PTPRM: variants seen among roughly 807,000 people sequenced by gnomAD.
PTPRM encodes the protein protein tyrosine phosphatase receptor type M, also known as receptor-type tyrosine-protein phosphatase mu.
Under a neutral mutation model 186.7 loss-of-function variants are expected in PTPRM, and 47 were observed. The ratio of observed to expected loss-of-function variants is 0.25; its 90% CI spans 0.20 to 0.32. The LOEUF is 0.32. Ranked by LOEUF, PTPRM falls within the 10% of genes least tolerant of loss-of-function variation. The probability of loss-of-function intolerance (pLI) is 1.00; values close to 1 mark genes in which losing one functional copy is unlikely to be tolerated. For missense variants in PTPRM, 1,494 were observed against 1,865.0 expected (o/e 0.80, Z 3.66); for synonymous variants, 668 against 674.9 (o/e 0.99, Z 0.16).
chr18:7,862,437 G>A (rs1247623334), intron 2 of PTPRM, among the ~76,000 whole-genome samples: 1 of 152,100 alleles, frequency 6.6e-6, no homozygotes, highest in South Asian at 2.1e-4. Context: ...CCACATTCAG[G>A]TGTTTTCAAT....
chr18:8,307,074 A>G (rs2095229474), intron 20 of PTPRM, among the ~76,000 whole-genome samples: 1 of 152,160 alleles, frequency 6.6e-6, no homozygotes, highest in African/African-American at 2.4e-5. Context: ...GCTTTGTTTG[A>G]GAGAGGACGC....
At chr18:8,321,118 G>A (rs1271854931) in intron 22 of PTPRM, among the ~76,000 whole-genome samples, 1 of 152,134 alleles carries the variant, frequency 6.6e-6, no homozygotes, top group Admixed American at 6.5e-5. Flanking sequence ...TCTGAATTAA[G>A]CCTCACAACA....
At chr18:7,934,336 T>C (rs2051669778) in intron 5 of PTPRM, among the ~76,000 whole-genome samples, 1 of 152,192 alleles carries the variant, frequency 6.6e-6, no homozygotes, top group African/African-American at 2.4e-5. Context: ...TTTGAGAGTT[T>C]GACATATAAT....
intron 11 of PTPRM, among the ~76,000 whole-genome samples, chr18:8,094,331 C>T (rs182643476): frequency 2.0e-5 from 3 of 151,206 alleles, no homozygotes; most frequent in Non-Finnish European, 4.4e-5. Flanking sequence ...TGTGATTATG[C>T]ACTCCAACTT....
In PTPRM at chr18:7,720,326, G is replaced by A. The variant is rs151303185; in HGVS notation, c.74-53823G>A. On this transcript the variant is annotated intron_variant, in intron 1 of 32. Coordinates refer to ENST00000580170, the MANE Select transcript of PTPRM (RefSeq NM_001105244.2). ...CCAATATGCACACTCTAGAGCCTCTGTAATGAAATAGTGGGTGCTGGCATA... is the reference window on the plus strand; with the variant it reads ...CCAATATGCACACTCTAGAGCCTCTATAATGAAATAGTGGGTGCTGGCATA... Among the ~76,000 whole-genome samples, 566 of 152,178 alleles carry A rather than the reference G, an allele frequency of 3.7e-3. 6 individuals carry two copies. The highest frequency in any genetic ancestry group is 0.013 in the African/African-American group (552 of 41,512).
intron 4 of PTPRM, among the ~76,000 whole-genome samples, chr18:7,916,737 G>C (rs1360855761): frequency 6.6e-6 from 1 of 152,146 alleles, no homozygotes; most frequent in Non-Finnish European, 1.5e-5. Flanking sequence ...TAATGATCAA[G>C]TCAGGATTAA....
intron 22 of PTPRM, among the ~76,000 whole-genome samples, chr18:8,327,866 A>G (rs2095387543): frequency 6.6e-6 from 1 of 152,186 alleles, no homozygotes; most frequent in South Asian, 2.1e-4. Flanking sequence ...CCCCATACAT[A>G]TAATCAGTTT....
At chr18:8,056,742 CT>C (rs34019464) in intron 7 of PTPRM, among the ~76,000 whole-genome samples, 1 of 116,736 alleles carries the variant, frequency 8.6e-6, no homozygotes, top group African/African-American at 3.4e-5. Flanking sequence ...GAAATGCAGC[CT>C]TTTTTAGCAA....
chr18:7,609,542 G>GGA (rs1175915425), intron 1 of PTPRM, among the ~76,000 whole-genome samples: 3 of 146,642 alleles, frequency 2.0e-5, no homozygotes, highest in East Asian at 4.0e-4. Flanking sequence ...TTTTTTTAAA[G>GGA]GCAAGCCCTG....
At chr18:8,357,893 G>A (rs140138000) in intron 23 of PTPRM, among the ~76,000 whole-genome samples, 43 of 152,096 alleles carry the variant, frequency 2.8e-4, no homozygotes, top group African/African-American at 9.6e-4. Flanking sequence ...ACACATACTC[G>A]CAGACTAAAG....
rs139525417 is a variant in PTPRM at position 8,334,623 on chromosome 18, A to C, written c.2957-8800A>C. On this transcript the variant is annotated intron_variant, in intron 22 of 32. Transcript: ENST00000580170. ...CCCAGGGAGCTGTTCTTGCCATAATAATTGTAAAATTATAAAATATGTTTA... is the reference window on the plus strand; with the variant it reads ...CCCAGGGAGCTGTTCTTGCCATAATCATTGTAAAATTATAAAATATGTTTA... Among the ~76,000 whole-genome samples the C allele has an allele frequency of 8.9e-3, 1,356 of 152,350 alleles. 6 individuals are homozygous for C. The highest frequency in any genetic ancestry group is 0.014 in the African/African-American group (595 of 41,584).
At chr18:7,731,599 T>G (rs1450438283) in intron 1 of PTPRM, among the ~76,000 whole-genome samples, 1 of 152,166 alleles carries the variant, frequency 6.6e-6, no homozygotes. Flanking sequence ...GGGATAAACA[T>G]GCAGGATTTC....
chr18:7,604,300 C>T (rs2037476800), intron 1 of PTPRM, among the ~76,000 whole-genome samples: 2 of 152,228 alleles, frequency 1.3e-5, no homozygotes, highest in Non-Finnish European at 2.9e-5. Flanking sequence ...TGCCTGGCCA[C>T]ATGCCAGATG....
At chr18:8,116,669 A>T (rs187552027) in intron 13 of PTPRM, among the ~76,000 whole-genome samples, 242 of 152,354 alleles carry the variant, frequency 1.6e-3, no homozygotes, top group African/African-American at 4.2e-3. Context: ...AAATAATTAT[A>T]TAAATAACAC....
At chr18:7,627,591 G>A (rs1358647421) in intron 1 of PTPRM, among the ~76,000 whole-genome samples, 2 of 152,116 alleles carry the variant, frequency 1.3e-5, no homozygotes, top group Non-Finnish European at 2.9e-5. Context: ...GGTGAGGCTC[G>A]GTTCATTCTA....
chr18:7,840,983 A>G (rs889216828), intron 2 of PTPRM, among the ~76,000 whole-genome samples: 3 of 152,198 alleles, frequency 2.0e-5, no homozygotes, highest in African/African-American at 7.2e-5. Flanking sequence ...GTAAAGTACT[A>G]CAATAGAAGT....
At chr18:8,014,685 C>G (rs774840328) in intron 7 of PTPRM, among the ~76,000 whole-genome samples, 2 of 152,120 alleles carry the variant, frequency 1.3e-5, no homozygotes, top group African/African-American at 4.8e-5. Flanking sequence ...TCTAAATTAA[C>G]AAGAATAAAT....
intron 30 of PTPRM, among the ~76,000 whole-genome samples, chr18:8,386,090 G>C (rs914744040): frequency 2.6e-5 from 4 of 152,106 alleles, no homozygotes; most frequent in African/African-American, 9.7e-5. Flanking sequence ...GTTTGTGGGT[G>C]GGGGGCATTG....
intron 7 of PTPRM, among the ~76,000 whole-genome samples, chr18:7,996,668 A>G (rs1212418442): frequency 6.6e-6 from 1 of 152,128 alleles, no homozygotes; most frequent in Non-Finnish European, 1.5e-5. Flanking sequence ...AGCTATTAGA[A>G]CATGTAATCA....
Sources: gnomAD v4.1 joint callset for allele counts (sites outside exome capture counted in the v4.1 genomes callset) on GRCh38, gnomAD v4.1.1 for gene constraint, MANE v1.5 for transcripts, NCBI Gene and HGNC (gene_info 2026-07-23, HGNC 2026-07-21) for gene names.